USP54: variants seen among roughly 807,000 people sequenced by gnomAD.
USP54 encodes ubiquitin specific peptidase 54, also known as ubiquitin carboxyl-terminal hydrolase 54.
USP54 carries 87 observed loss-of-function variants against 170.5 expected under a neutral mutation model. The observed-to-expected ratio is 0.51, with a 90% confidence interval of 0.43 to 0.61. The LOEUF is 0.61. Ranked by LOEUF, USP54 falls within the 20% of genes least tolerant of loss-of-function variation. USP54 has a pLI of 0.00. For missense variants in USP54, 1,786 were observed against 2,047.8 expected (o/e 0.87, Z 2.47); for synonymous variants, 655 against 742.8 (o/e 0.88, Z 1.92).
At chr10:73,617,856 G>A (rs57223503) in intron 1 of USP54, among the ~76,000 whole-genome samples, 2,676 of 149,864 alleles carry the variant, frequency 0.018, 327 homozygotes, top group African/African-American at 0.065. Context: ...GCTGCAGTAA[G>A]CCGTGATTGC....
At chr10:73,537,292 T>TA (rs2065430485) in intron 10 of USP54, among the ~76,000 whole-genome samples, 1 of 152,144 alleles carries the variant, frequency 6.6e-6, no homozygotes, top group African/African-American at 2.4e-5. Context: ...TAAAAGAACT[T>TA]AAATAAATTG....
chr10:73,565,485 C>G (rs1392523950), intron 4 of USP54, among the ~76,000 whole-genome samples: 1 of 152,110 alleles, frequency 6.6e-6, no homozygotes, highest in African/African-American at 2.4e-5. Context: ...CACTACACCC[C>G]AGCCTGGGCA....
At chr10:73,592,065 C>T (rs142039370), upstream of USP54, among the ~76,000 whole-genome samples, 1 of 152,166 alleles carries the variant, frequency 6.6e-6, no homozygotes, top group East Asian at 1.9e-4. Context: ...GGGGAAGAGA[C>T]CTAGTTACAT....
At chr10:73,571,134 T>A (rs1251069864) in intron 4 of USP54, among the ~76,000 whole-genome samples, 3 of 70,490 alleles carry the variant, frequency 4.3e-5, no homozygotes, top group East Asian at 4.3e-4. Flanking sequence ...TGAGACTTCA[T>A]CCCAAAAAAA....
chr10:73,530,680 G>A, intron 13 of USP54, 24 bp downstream of exon 13: 1 of 1,612,414 alleles, frequency 6.2e-7, no homozygotes, highest in Non-Finnish European at 8.5e-7. Context: ...GAAGGAGAAA[G>A]AGAAGCAGTG....
At chr10:73,545,907 C>T (rs918143079) in intron 4 of USP54, among the ~76,000 whole-genome samples, 2 of 152,200 alleles carry the variant, frequency 1.3e-5, no homozygotes, top group African/African-American at 4.8e-5. Flanking sequence ...GCCAAGGACA[C>T]ATTAGGAGAA....
chr10:73,575,754 C>T (rs975791887), intron 2 of USP54, 44 bp downstream of exon 2: 35 of 1,393,822 alleles, frequency 2.5e-5, no homozygotes, highest in Non-Finnish European at 3.3e-5. Context: ...GAAAGGGAAT[C>T]CAGAATTTAG....
At chr10:73,586,130 C>T (rs1234737725) in intron 1 of USP54, among the ~76,000 whole-genome samples, 1 of 152,226 alleles carries the variant, frequency 6.6e-6, no homozygotes, top group Non-Finnish European at 1.5e-5. Context: ...CATTCACTCA[C>T]TGATCAAACA....
intron 20 of USP54, among the ~76,000 whole-genome samples, chr10:73,510,007 T>C (rs1475856267): frequency 6.6e-6 from 1 of 151,450 alleles, no homozygotes; most frequent in Non-Finnish European, 1.5e-5. Flanking sequence ...AATAAAATAA[T>C]GTAGAGGGGA....
At chr10:73,594,869 A>T (rs2078599745), upstream of USP54, among the ~76,000 whole-genome samples, 1 of 152,100 alleles carries the variant, frequency 6.6e-6, no homozygotes, top group Admixed American at 6.6e-5. Context: ...GATGAAAAAC[A>T]GGGAAAACTA....
chr10:73,577,995 A>G (rs1296791966), intron 1 of USP54, among the ~76,000 whole-genome samples: 2 of 152,200 alleles, frequency 1.3e-5, no homozygotes, highest in Non-Finnish European at 2.9e-5. Flanking sequence ...CACAGCCAAA[A>G]GGACTTGGCA....
At chr10:73,560,430 G>A (rs569932364) in intron 4 of USP54, among the ~76,000 whole-genome samples, 61 of 150,482 alleles carry the variant, frequency 4.1e-4, no homozygotes, top group Middle Eastern at 6.9e-3. Context: ...CGAGGCGGGC[G>A]GATCACAAGG....
At chr10:73,612,334 AC>A (rs1193194647) in intron 1 of USP54, among the ~76,000 whole-genome samples, 3 of 152,026 alleles carry the variant, frequency 2.0e-5, no homozygotes, top group Non-Finnish European at 4.4e-5. Context: ...TCACATTTGT[AC>A]CCAAAAGTAG....
At chr10:73,545,420 C>G in intron 5 of USP54, 118 bp downstream of exon 5, 5 of 1,325,710 alleles carry the variant, frequency 3.8e-6, no homozygotes, top group Non-Finnish European at 5.2e-6. Context: ...AGAGAAAACT[C>G]CTAGTTCTAA....
chr10:73,503,456 T>C (rs1220456398), intron 22 of USP54, among the ~76,000 whole-genome samples: 1 of 151,694 alleles, frequency 6.6e-6, no homozygotes, highest in African/African-American at 2.4e-5. Flanking sequence ...CACTTATTTA[T>C]TTGTTTATTT....
rs2057514174 is a variant in USP54 at position 73,499,146 on chromosome 10, C to T, written c.4538G>A (p.Arg1513Lys). 23 of 1,613,618 alleles carry T rather than the reference C, an allele frequency of 1.4e-5. No homozygotes were observed. The East Asian group carries it at 5.1e-4, about 36-fold the overall frequency. Residue 1513 changes from arginine (R) to lysine (K), a missense_variant, in exon 24 of 24, where the codon AGG (arginine) becomes AAG (lysine). Around this residue, in one of 3 missense-constraint regions of USP54, gnomAD observed 1,418 missense variants for 1,569.0 expected, o/e 0.90. Coordinates refer to ENST00000687698, the MANE Select transcript of USP54 (RefSeq NM_001391956.1). ...CTTGGCCCCTTGGGAAGTTTCACCC[C>T]TGTCACACATAGCCAGAAACTGCTG... ...SVQQFLAMCD[R>K]GETSQGAKYT...
intron 1 of USP54, 107 bp from the exon 2 acceptor site, chr10:73,576,468 G>T (rs1473171072): frequency 8.1e-6 from 1 of 123,948 alleles, no homozygotes; most frequent in Non-Finnish European, 1.7e-5. Flanking sequence ...CTATAAACTT[G>T]AAACCTTGGC....
chr10:73,520,122 T>C, intron 18 of USP54, 130 bp from the exon 19 acceptor site: 4 of 1,327,794 alleles, frequency 3.0e-6, no homozygotes, highest in Non-Finnish European at 3.1e-6. Context: ...ACGCAAGGCA[T>C]GGACCATGCA....
At chr10:73,516,274 T>A (rs546888486) in intron 20 of USP54, 101 bp downstream of exon 20, 3 of 1,273,666 alleles carry the variant, frequency 2.4e-6, no homozygotes, top group Admixed American at 4.6e-5. Flanking sequence ...CCTACTAAGC[T>A]GGGGATAGTA....
Sources: gnomAD v4.1 joint callset for allele counts (sites outside exome capture counted in the v4.1 genomes callset) on GRCh38, gnomAD v4.1.1 for gene constraint, gnomAD v4.1.1 regional missense constraint, MANE v1.5 for transcripts, NCBI Gene and HGNC (gene_info 2026-07-23, HGNC 2026-07-21) for gene names.